Variants in EFEMP1 observed in about 807,000 individuals in gnomAD.
EFEMP1 encodes EGF-like fibulin extracellular matrix protein 1.
In EFEMP1, 18 loss-of-function variants were observed where a neutral mutation model predicts 65.7. The ratio of observed to expected loss-of-function variants is 0.27; its 90% CI spans 0.19 to 0.41. The LOEUF (loss-of-function observed/expected upper bound fraction) is 0.41. EFEMP1 is among the 10% of genes least tolerant of loss of function. The probability of loss-of-function intolerance (pLI) is 1.00; values close to 1 mark genes in which losing one functional copy is unlikely to be tolerated. For missense variants in EFEMP1, 469 were observed against 624.8 expected (o/e 0.75, Z 2.66); for synonymous variants, 237 against 219.7 (o/e 1.08, Z -0.70).
chr2:55,907,672 T>C (rs1017846785), intron 5 of EFEMP1, among the ~76,000 whole-genome samples: 15 of 152,230 alleles, frequency 9.9e-5, no homozygotes, highest in African/African-American at 3.6e-4. Flanking sequence ...CATCATTGAA[T>C]AAAAATTCTT....
At chr2:55,898,957 A>G (rs1414782010) in intron 5 of EFEMP1, among the ~76,000 whole-genome samples, 1 of 152,216 alleles carries the variant, frequency 6.6e-6, no homozygotes, top group African/African-American at 2.4e-5. Flanking sequence ...TATGGTAACT[A>G]TGCTAGCAAG....
In EFEMP1 at chr2:55,922,921, C is replaced by T. The variant is rs958092745; in HGVS notation, c.-30G>A. The T allele has an allele frequency of 3.8e-6, 4 of 1,055,194 alleles. No homozygotes were observed. The highest frequency in any genetic ancestry group is 4.6e-6 in the Non-Finnish European group (4 of 871,742). The allele number at this position is 1,055,194 out of a possible 1,614,324, so 65.4% of individuals were successfully genotyped here. On this transcript the variant is annotated 5_prime_UTR_variant, in exon 2 of 12. Transcript: ENST00000355426. This position sits in a 1 kb window ranked among gnomAD's most constrained non-coding sequence, Gnocchi z 5.5. ...CACCTTGAGCTAGCAGAGTTCCTTG[C>T]ACAGCACAGCAAAAATACCTGTGAG... is the stretch of plus-strand genomic sequence containing the variant.
rs1669243176 is a variant in EFEMP1 at position 55,881,614 on chromosome 2, A to G, written c.638T>C (p.Val213Ala). The G allele has an allele frequency of 6.2e-7, 1 of 1,613,624 alleles. No individual in the cohort carries two copies. The highest frequency in any genetic ancestry group is 1.3e-5 in the African/African-American group (1 of 75,030). The stretch of plus-strand genomic sequence containing the variant: ...GCTCACTGCACTGTGGTACTTACCT[A>G]CGCACTGCTCCCCTCGCTTCTGATA... Reference protein sequence around the residue: ...PGYQKRGEQCVDIDECTIPPY... With the variant: ...PGYQKRGEQCADIDECTIPPY... The change falls in exon 6 of 12, where the codon GTA becomes GCA. Residue 213 changes from valine (V) to alanine (A), a missense_variant and splice_region_variant. By Grantham distance (64) the Val-to-Ala change is moderately conservative (BLOSUM62 0). Coordinates refer to ENST00000355426, the MANE Select transcript of EFEMP1 (RefSeq NM_001039348.3).
chr2:55,874,960 C>T lies in EFEMP1; in HGVS notation c.986G>A (p.Ser329Asn). The change falls in exon 9 of 12, where the codon AGT becomes AAT. Residue 329 changes from serine to asparagine, a missense_variant. Ser to Asn is a conservative substitution (Grantham distance 46). Around this residue, in one of 3 missense-constraint regions of EFEMP1, gnomAD observed 399 missense variants for 528.2 expected, o/e 0.76. Coordinates refer to ENST00000355426, the MANE Select transcript of EFEMP1 (RefSeq NM_001039348.3). The part of the protein sequence containing the change: ...MCPQGYQVVR[S>N]RTCQDINECE... ...AATAAACTTACCTTGACATGTTCTACTTCTCACCACTTGGTATCCCTGGGG... is the reference window on the plus strand; with the variant it reads ...AATAAACTTACCTTGACATGTTCTATTTCTCACCACTTGGTATCCCTGGGG... The T allele has an allele frequency of 6.2e-7, 1 of 1,604,484 alleles. No homozygotes were observed. Among genetic ancestry groups the T allele is most frequent in the Non-Finnish European group, 8.5e-7 (1 of 1,174,128 alleles).
rs1213701087 is a variant in EFEMP1 at position 55,885,617 on chromosome 2, C to G, written c.518-3883G>C. Among the ~76,000 whole-genome samples, 1 of 152,172 alleles carries G rather than the reference C, an allele frequency of 6.6e-6. No individual in the cohort carries two copies. ...TTTTTCAAAAATGTGCCCACGTGCT[C>G]CCTCCTAGTGATTTATACTATTGTA... On this transcript the variant is annotated intron_variant, in intron 5 of 11. Transcript: ENST00000355426. The surrounding 1 kb of genome is among the most constrained non-coding windows in gnomAD (Gnocchi z 4.3).
In EFEMP1 at chr2:55,877,666, T is replaced by A. The variant is rs1012112657; in HGVS notation, c.760+80A>T. On this transcript the variant is annotated intron_variant, in intron 7 of 11. Transcript: ENST00000355426. This position sits in a 1 kb window ranked among gnomAD's most constrained non-coding sequence, Gnocchi z 4.5. ...GATGGAAACTATTTACTCAAGAACATAGAAAACTGGAAATACTGCAACATG... is the reference window on the plus strand; with the variant it reads ...GATGGAAACTATTTACTCAAGAACAAAGAAAACTGGAAATACTGCAACATG... The A allele has an allele frequency of 2.3e-5, 37 of 1,598,714 alleles. No individual in the cohort carries two copies. Among genetic ancestry groups the A allele is most frequent in the Admixed American group, 1.7e-5 (1 of 59,716 alleles).
In EFEMP1 at chr2:55,923,782, T is replaced by G; in HGVS notation, c.-120A>C. On this transcript the variant is annotated 5_prime_UTR_variant, in exon 1 of 12. Transcript: ENST00000355426. This position sits in a 1 kb window ranked among gnomAD's most constrained non-coding sequence, Gnocchi z 5.3. ...GCAGGGGAGGGCAGCCCCGTGGGTCTGATCTGGCGAAGTCCGGCAGCGGCC... is the reference window on the plus strand; with the variant it reads ...GCAGGGGAGGGCAGCCCCGTGGGTCGGATCTGGCGAAGTCCGGCAGCGGCC... 4 of 985,930 alleles carry G rather than the reference T, an allele frequency of 4.1e-6. No homozygotes were observed. Among genetic ancestry groups the G allele is most frequent in the Non-Finnish European group, 4.8e-6 (4 of 830,660 alleles). The allele number at this position is 985,930 out of a possible 1,614,324, so 61.1% of individuals were successfully genotyped here.
Position 55,883,418 on chromosome 2 carries a change from T to C in EFEMP1, c.518-1684A>G, listed in dbSNP as rs1446673111. Among the ~76,000 whole-genome samples the C allele has an allele frequency of 1.3e-5, 2 of 152,340 alleles. No individual in the cohort carries two copies. Among genetic ancestry groups the C allele is most frequent in the Non-Finnish European group, 2.9e-5 (2 of 68,032 alleles). ...CAGATGCACTTGATGAAAACCTTTT[T>C]ACTGGGGTTTCTTCAGAGCTTTATG... On this transcript the variant is annotated intron_variant, in intron 5 of 11. Coordinates refer to ENST00000355426, the MANE Select transcript of EFEMP1 (RefSeq NM_001039348.3). The surrounding 1 kb of genome is among the most constrained non-coding windows in gnomAD (Gnocchi z 4.5).
chr2:55,870,572 T>C lies in EFEMP1; in HGVS notation c.1320+148A>G. ...AGAGGAATAAATGAAATAATGTAGC[T>C]GGAAGGCCTTACACAATGCCTACAC... is the stretch of plus-strand genomic sequence containing the variant. On this transcript the variant is annotated intron_variant, in intron 11 of 11. Transcript: ENST00000355426. The surrounding 1 kb of genome is among the most constrained non-coding windows in gnomAD (Gnocchi z 5.8). 4.7e-6 allele frequency: 4 copies of C among 848,470 alleles called. No individual in the cohort carries two copies. Among genetic ancestry groups the C allele is most frequent in the Non-Finnish European group, 7.7e-6 (4 of 520,928 alleles). 52.6% of individuals were successfully genotyped at this position (848,470 alleles called of 1,614,324 possible). A position where few individuals can be genotyped will look rare whatever the true frequency, so the allele number is the denominator to read the frequency against.
intron 5 of EFEMP1, among the ~76,000 whole-genome samples, chr2:55,902,986 T>C (rs1317303813): frequency 3.3e-5 from 5 of 152,242 alleles, no homozygotes; most frequent in Non-Finnish European, 4.4e-5. Flanking sequence ...TCTTTGTAAA[T>C]AATTTCAAGT....
chr2:55,920,301 T>G (rs975855570), intron 3 of EFEMP1, among the ~76,000 whole-genome samples: 1 of 152,232 alleles, frequency 6.6e-6, no homozygotes, highest in Non-Finnish European at 1.5e-5. Flanking sequence ...TCTATTTCCT[T>G]GGCAATTTGT....
At chr2:55,891,938 C>T (rs755220830) in intron 5 of EFEMP1, among the ~76,000 whole-genome samples, 4 of 152,084 alleles carry the variant, frequency 2.6e-5, no homozygotes, top group South Asian at 4.1e-4. Context: ...AATTATCATG[C>T]ATTCTTGGAC....
chr2:55,914,532 C>A (rs1670604151), intron 5 of EFEMP1, among the ~76,000 whole-genome samples: 1 of 152,012 alleles, frequency 6.6e-6, no homozygotes, highest in African/African-American at 2.4e-5. Flanking sequence ...TATTTAGAAG[C>A]CATCTGTGAC....
In EFEMP1 at chr2:55,919,388, T is replaced by A. The variant is rs1055006966; in HGVS notation, c.82-1121A>T. The stretch of plus-strand genomic sequence containing the variant: ...CACCCAAAGGATTTGATTCTGTAGG[T>A]CTGGGTAGGGGGCCTGGAATCTAAA... On this transcript the variant is annotated intron_variant, in intron 3 of 11. Transcript: ENST00000355426. This position sits in a 1 kb window ranked among gnomAD's most constrained non-coding sequence, Gnocchi z 4.5. Among the ~76,000 whole-genome samples the A allele has an allele frequency of 2.6e-5, 4 of 151,920 alleles. No homozygotes were observed. Among genetic ancestry groups the A allele is most frequent in the Non-Finnish European group, 5.9e-5 (4 of 67,998 alleles).
chr2:55,917,277 G>C lies in EFEMP1; in HGVS notation c.517+388C>G, dbSNP rs1336032295. ...TCAGCTCTGCACTTAGCACCTGTGT[G>C]ACCTCTGGTTCTCAAACTTGGCCGC... On this transcript the variant is annotated intron_variant, in intron 5 of 11. Transcript: ENST00000355426. This position sits in a 1 kb window ranked among gnomAD's most constrained non-coding sequence, Gnocchi z 6.3. Among the ~76,000 whole-genome samples, 3 of 152,128 alleles carry C rather than the reference G, an allele frequency of 2.0e-5. No homozygotes were observed. The highest frequency in any genetic ancestry group is 7.2e-5 in the African/African-American group (3 of 41,410).
Position 55,873,451 on chromosome 2 carries a change from C to G in EFEMP1, c.1000+1495G>C, listed in dbSNP as rs1323395538. On this transcript the variant is annotated intron_variant, in intron 9 of 11. Transcript: ENST00000355426. The surrounding 1 kb of genome is among the most constrained non-coding windows in gnomAD (Gnocchi z 4.6). ...GCTAGGCAGGTCGGATCCCACCGTG[C>G]ATTAATCTGCTTCTGTCTTTTGCTG... is the stretch of plus-strand genomic sequence containing the variant. 1.3e-5 allele frequency among the ~76,000 whole-genome samples: 2 copies of G among 152,034 alleles called. No homozygotes were observed. Among genetic ancestry groups the G allele is most frequent in the Non-Finnish European group, 2.9e-5 (2 of 67,956 alleles).
chr2:55,915,819 A>AT lies in EFEMP1; in HGVS notation c.517+1845dup, dbSNP rs923301045. Among the ~76,000 whole-genome samples the AT allele has an allele frequency of 5.9e-5, 9 of 152,154 alleles. 1 individual carries two copies. In the South Asian group the frequency reaches 1.0e-3, roughly 18 times the overall value. ...TTGGTCTATCTTAAATAAACTCAAG[A>AT]TTTTTTTTATCAGTATTAACCCAAA... On this transcript the variant is annotated intron_variant, in intron 5 of 11. Transcript: ENST00000355426.
At chr2:55,909,392 A>G (rs1670398685) in intron 5 of EFEMP1, among the ~76,000 whole-genome samples, 3 of 152,174 alleles carry the variant, frequency 2.0e-5, no homozygotes, top group South Asian at 2.1e-4. Context: ...TGGTTCATCA[A>G]TTGTTCTTTC....
At chr2:55,894,480 G>A (rs1321989150) in intron 5 of EFEMP1, among the ~76,000 whole-genome samples, 2 of 152,054 alleles carry the variant, frequency 1.3e-5, no homozygotes, top group Non-Finnish European at 2.9e-5. Context: ...TGAAAATGTT[G>A]TATGCCTGAC....
Sources: gnomAD v4.1 joint callset for allele counts (sites outside exome capture counted in the v4.1 genomes callset) on GRCh38, gnomAD v4.1.1 for gene constraint, gnomAD v4.1.1 regional missense constraint, Gnocchi (gnomAD v3.1) non-coding constraint, MANE v1.5 for transcripts, NCBI Gene and HGNC (gene_info 2026-07-23, HGNC 2026-07-21) for gene names.